Variants in RNF214 observed in about 807,000 individuals in gnomAD.
RNF214 encodes ring finger protein 214.
A neutral mutation model predicts 75.9 loss-of-function variants in RNF214; 25 were observed. The ratio of observed to expected loss-of-function variants is 0.33; its 90% CI spans 0.24 to 0.46. RNF214 has a LOEUF of 0.46. Among genes scored for constraint, RNF214 ranks in the 20% least tolerant of loss-of-function variants. The pLI is 1.00. For synonymous variants in RNF214, 314 were observed against 308.8 expected (o/e 1.02, Z -0.18); for missense variants, 725 against 857.5 (o/e 0.85, Z 1.93).
In RNF214 at chr11:117,239,872, A is replaced by T; in HGVS notation, c.678+12A>T. The stretch of plus-strand genomic sequence containing the variant: ...TTGAAAAGAATTTGGTAAGTATTTA[A>T]ACTGTCCTTGTTATATGAAGCCATT... On this transcript the variant is annotated intron_variant, in intron 4 of 14. Coordinates refer to ENST00000300650, the MANE Select transcript of RNF214 (RefSeq NM_207343.4). 7 of 1,400,134 alleles carry T rather than the reference A, an allele frequency of 5.0e-6. No homozygotes were observed. Among genetic ancestry groups the T allele is most frequent in the Non-Finnish European group, 7.1e-6 (7 of 985,996 alleles). 86.7% of individuals were successfully genotyped at this position (1,400,134 alleles called of 1,614,324 possible).
At position 117,270,928 on chromosome 11, in the gene RNF214, G is replaced by A. The variant is rs183953151; in HGVS notation, c.960-8980G>A. Reference sequence around the variant, plus strand: ...TTTCTTTTTTTTGAGACAGAATGTGGCTCTGTCCCCCAGGCTAGAGTGCAG... The same window carrying A: ...TTTCTTTTTTTTGAGACAGAATGTGACTCTGTCCCCCAGGCTAGAGTGCAG... On this transcript the variant is annotated intron_variant, in intron 6 of 14. Coordinates refer to ENST00000300650, the MANE Select transcript of RNF214 (RefSeq NM_207343.4). Among the ~76,000 whole-genome samples the A allele has an allele frequency of 2.4e-3, 363 of 149,410 alleles. 1 individual carries two copies. The highest frequency in any genetic ancestry group is 8.7e-3 in the African/African-American group (354 of 40,600).
chr11:117,284,264 A>G (rs2134426401), intron 14 of RNF214, among the ~76,000 whole-genome samples: 1 of 152,346 alleles, frequency 6.6e-6, no homozygotes, highest in East Asian at 1.9e-4. Context: ...TGCCGGTTAG[A>G]GATTATCTTC....
At chr11:117,257,943 T>C (rs987124647) in intron 6 of RNF214, among the ~76,000 whole-genome samples, 12 of 152,188 alleles carry the variant, frequency 7.9e-5, no homozygotes, top group Admixed American at 3.3e-4. Flanking sequence ...TATGAAAATT[T>C]TCAAACATTG....
At position 117,269,316 on chromosome 11, in the gene RNF214, G is replaced by A. The variant is rs185291848; in HGVS notation, c.960-10592G>A. Among the ~76,000 whole-genome samples the A allele has an allele frequency of 2.1e-3, 324 of 152,246 alleles. 1 individual carries two copies. Among genetic ancestry groups the A allele is most frequent in the Non-Finnish European group, 3.5e-3 (240 of 68,008 alleles). On this transcript the variant is annotated intron_variant, in intron 6 of 14. Transcript: ENST00000300650. Reference sequence around the variant, plus strand: ...TGGGACAAGGTTCTTTTGAACTTTGGGGGAGGTGGCAGGAAGATGAGGGGC... The same window carrying A: ...TGGGACAAGGTTCTTTTGAACTTTGAGGGAGGTGGCAGGAAGATGAGGGGC...
chr11:117,234,758 A>G (rs1404280457), intron 2 of RNF214, among the ~76,000 whole-genome samples: 1 of 152,242 alleles, frequency 6.6e-6, no homozygotes, highest in African/African-American at 2.4e-5. Context: ...ACAATTACCC[A>G]AACTTATATC....
Position 117,244,511 on chromosome 11 carries a change from C to CAAG in RNF214, c.746_748dup (p.Gln249_Val250insGlu), listed in dbSNP as rs2033159389. The CAAG allele has an allele frequency of 6.2e-7, 1 of 1,612,478 alleles. No individual in the cohort carries two copies. Among genetic ancestry groups the CAAG allele is most frequent in the Admixed American group, 1.7e-5 (1 of 59,872 alleles). ...CCAGGAGGTCCTGGACAAACAGAGGCAAGTGGAGAATCAGCTCCAAGTGCA... is the reference window on the plus strand; with the variant it reads ...CCAGGAGGTCCTGGACAAACAGAGGCAAGAAGTGGAGAATCAGCTCCAAGTGCA... On this transcript the variant is annotated inframe_insertion, in exon 5 of 15. Coordinates refer to ENST00000300650, the MANE Select transcript of RNF214 (RefSeq NM_207343.4).
At position 117,244,507 on chromosome 11, in the gene RNF214, G is replaced by C. The variant is rs200448262; in HGVS notation, c.741G>C (p.Gln247His). ...GTTACCAGGAGGTCCTGGACAAACA[G>C]AGGCAAGTGGAGAATCAGCTCCAAG... is the stretch of plus-strand genomic sequence containing the variant. ...KERYQEVLDK[Q>H]RQVENQLQVQ... The change falls in exon 5 of 15, where the codon CAG (glutamine) becomes CAC (histidine). Residue 247 changes from glutamine (Q) to histidine (H), a missense_variant. Physicochemically the swap from Gln to His is conservative, Grantham distance 24. Coordinates refer to ENST00000300650, the MANE Select transcript of RNF214 (RefSeq NM_207343.4). The C allele has an allele frequency of 1.5e-4, 245 of 1,612,976 alleles. No individual in the cohort carries two copies. Among genetic ancestry groups the C allele is most frequent in the Non-Finnish European group, 1.9e-4 (229 of 1,179,338 alleles).
At chr11:117,272,798 A>G (rs1056674236) in intron 6 of RNF214, among the ~76,000 whole-genome samples, 6 of 152,186 alleles carry the variant, frequency 3.9e-5, no homozygotes, top group Admixed American at 3.3e-4. Context: ...AAAATTATCC[A>G]TGTGGGTAGA....
intron 6 of RNF214, among the ~76,000 whole-genome samples, chr11:117,251,385 CCCCCCACCTCCCT>C (rs2033383314): frequency 7.5e-6 from 1 of 132,940 alleles, no homozygotes; most frequent in Non-Finnish European, 1.6e-5. Flanking sequence ...GGGGGCTGAC[CCCCCCACCTCCCT>C]CCCGGACGGG....
chr11:117,254,115 A>G (rs1021504412), intron 6 of RNF214, among the ~76,000 whole-genome samples: 1 of 152,100 alleles, frequency 6.6e-6, no homozygotes, highest in Non-Finnish European at 1.5e-5. Flanking sequence ...CAGGTGTGGT[A>G]GTGGCCGCCT....
At chr11:117,255,168 C>G (rs1044065084) in intron 6 of RNF214, among the ~76,000 whole-genome samples, 1 of 152,178 alleles carries the variant, frequency 6.6e-6, no homozygotes, top group Non-Finnish European at 1.5e-5. Flanking sequence ...CTCTTCTTAC[C>G]CTTAGCAGAT....
chr11:117,264,907 T>TA (rs528216283), intron 6 of RNF214, among the ~76,000 whole-genome samples: 33 of 148,274 alleles, frequency 2.2e-4, no homozygotes, highest in Middle Eastern at 3.4e-3. Flanking sequence ...CTACTAAAAA[T>TA]AAAAAAAAAA....
chr11:117,247,215 C>T (rs1023355311), intron 6 of RNF214, among the ~76,000 whole-genome samples: 1 of 152,144 alleles, frequency 6.6e-6, no homozygotes. Flanking sequence ...ACGGGCTGGA[C>T]GTAGCGGCTC....
intron 4 of RNF214, among the ~76,000 whole-genome samples, 199 bp downstream of exon 4, chr11:117,240,059 A>G (rs1435490704): frequency 6.6e-6 from 1 of 151,570 alleles, no homozygotes; most frequent in Non-Finnish European, 1.5e-5. Context: ...AAAAAAAAAA[A>G]TAGCTCTTAT....
intron 6 of RNF214, among the ~76,000 whole-genome samples, chr11:117,249,486 C>G (rs2033314446): frequency 6.6e-6 from 1 of 152,080 alleles, no homozygotes; most frequent in Non-Finnish European, 1.5e-5. Context: ...GGGAATGTCT[C>G]TTGTAGGTAT....
At chr11:117,278,574 TC>T (rs1565347489) in intron 6 of RNF214, among the ~76,000 whole-genome samples, 1 of 152,058 alleles carries the variant, frequency 6.6e-6, no homozygotes, top group African/African-American at 2.4e-5. Flanking sequence ...TCCTGGGAAA[TC>T]CCTCAGTACT....
At chr11:117,272,984 A>G (rs1375589807) in intron 6 of RNF214, among the ~76,000 whole-genome samples, 2 of 152,182 alleles carry the variant, frequency 1.3e-5, no homozygotes, top group Non-Finnish European at 2.9e-5. Context: ...TTATGCATTA[A>G]TTTATTTTAA....
intron 2 of RNF214, among the ~76,000 whole-genome samples, chr11:117,234,805 G>A (rs904901739): frequency 3.3e-5 from 5 of 152,156 alleles, no homozygotes; most frequent in African/African-American, 9.6e-5. Flanking sequence ...TATGTACAGT[G>A]TTGAACTAAA....
chr11:117,265,279 C>G (rs558812236), intron 6 of RNF214, among the ~76,000 whole-genome samples: 2 of 152,216 alleles, frequency 1.3e-5, no homozygotes, highest in East Asian at 3.9e-4. Context: ...CTCTAATTCA[C>G]TGGCAATGGA....
Sources: allele counts gnomAD v4.1 joint callset (sites outside exome capture counted in the v4.1 genomes callset), GRCh38; gene constraint gnomAD v4.1.1; transcripts MANE v1.5; gene names NCBI Gene and HGNC (gene_info 2026-07-23, HGNC 2026-07-21).